Variants in CSMD1 observed in about 807,000 individuals in gnomAD.
The protein encoded by CSMD1 is CUB and sushi domain-containing protein 1.
In CSMD1, 213 loss-of-function variants were observed where a neutral mutation model predicts 417.5. The ratio of observed to expected loss-of-function variants is 0.51; its 90% CI spans 0.46 to 0.57. CSMD1 has a LOEUF of 0.57. Among genes scored for constraint, CSMD1 ranks in the 20% least tolerant of loss-of-function variants. The pLI is 0.00. For synonymous variants in CSMD1, 2,862 were observed against 1,736.8 expected (o/e 1.65, Z -16.11); for missense variants, 6,923 against 4,529.7 (o/e 1.53, Z -15.17).
chr8:3,938,251 A>T (rs1180005010), intron 5 of CSMD1, among the ~76,000 whole-genome samples: 4 of 149,564 alleles, frequency 2.7e-5, no homozygotes, highest in South Asian at 4.2e-4. Context: ...TTTACTGTTT[A>T]AAAAAAATTA....
chr8:3,188,016 A>G (rs767491729), intron 35 of CSMD1, 51 bp from the exon 36 acceptor site: 1 of 1,446,520 alleles, frequency 6.9e-7, no homozygotes, highest in Non-Finnish European at 9.6e-7. Context: ...TAACACAATT[A>G]GTCTAATTAG....
chr8:4,444,027 A>G (rs1392590357), intron 2 of CSMD1, among the ~76,000 whole-genome samples: 1 of 152,132 alleles, frequency 6.6e-6, no homozygotes, highest in Non-Finnish European at 1.5e-5. Context: ...GAAGGAAAAC[A>G]CACACTATCT....
intron 2 of CSMD1, among the ~76,000 whole-genome samples, chr8:4,574,444 T>C (rs1278939282): frequency 6.6e-6 from 1 of 152,180 alleles, no homozygotes; most frequent in African/African-American, 2.4e-5. Context: ...TTACCCTCCG[T>C]GGGCTGCACC....
chr8:4,936,174 ATTAAG>A (rs1241882763), intron 1 of CSMD1, among the ~76,000 whole-genome samples: 3 of 152,234 alleles, frequency 2.0e-5, no homozygotes, highest in African/African-American at 7.2e-5. Context: ...TGAAAATCAC[ATTAAG>A]TTGAGAGGCA....
chr8:4,278,972 A>G (rs1796635420), intron 3 of CSMD1, among the ~76,000 whole-genome samples: 1 of 152,244 alleles, frequency 6.6e-6, no homozygotes. Context: ...CCATATATGA[A>G]ATAAGATTGC....
intron 2 of CSMD1, among the ~76,000 whole-genome samples, chr8:4,429,572 C>G (rs1157133649): frequency 6.6e-6 from 1 of 152,056 alleles, no homozygotes; most frequent in Non-Finnish European, 1.5e-5. Flanking sequence ...AGGATTTGGT[C>G]CATACTGATT....
intron 28 of CSMD1, among the ~76,000 whole-genome samples, chr8:3,219,922 A>C (rs185977056): frequency 6.6e-6 from 1 of 152,206 alleles, no homozygotes; most frequent in Admixed American, 6.5e-5. Flanking sequence ...TCTTACTTTT[A>C]TTTTTACTTA....
chr8:4,335,410 C>T (rs1339362098), intron 3 of CSMD1, among the ~76,000 whole-genome samples: 9 of 152,110 alleles, frequency 5.9e-5, no homozygotes. Context: ...TGCACCATCT[C>T]TTTCTGAAAC....
At chr8:4,350,679 T>C (rs964441589) in intron 3 of CSMD1, among the ~76,000 whole-genome samples, 4 of 152,214 alleles carry the variant, frequency 2.6e-5, no homozygotes, top group African/African-American at 9.6e-5. Context: ...AAGGTGTATT[T>C]TTCATCACTG....
chr8:4,736,126 C>T (rs1008595602), intron 1 of CSMD1, among the ~76,000 whole-genome samples: 1 of 152,140 alleles, frequency 6.6e-6, no homozygotes, highest in African/African-American at 2.4e-5. Flanking sequence ...TGAGGTGTTT[C>T]TTCTACTGGA....
At position 3,487,501 on chromosome 8, in the gene CSMD1, T is replaced by G. The variant is rs143114553; in HGVS notation, c.1448+6122A>C. On this transcript the variant is annotated intron_variant, in intron 11 of 69. Coordinates refer to ENST00000635120, the MANE Select transcript of CSMD1 (RefSeq NM_033225.6). Reference sequence around the variant, plus strand: ...CAGGCATGAGCCACCATGCCCGGCCTATCAGTATAAATTTAAGGCAGATTT... The same window carrying G: ...CAGGCATGAGCCACCATGCCCGGCCGATCAGTATAAATTTAAGGCAGATTT... 1.9e-3 allele frequency among the ~76,000 whole-genome samples: 292 copies of G among 152,268 alleles called. 1 individual carries two copies. The highest frequency in any genetic ancestry group is 3.2e-3 in the Non-Finnish European group (216 of 68,010).
chr8:4,093,945 G>C (rs1163698977), intron 3 of CSMD1, among the ~76,000 whole-genome samples: 1 of 150,872 alleles, frequency 6.6e-6, no homozygotes, highest in African/African-American at 2.4e-5. Flanking sequence ...GAGCAAAAGA[G>C]TGACTGAGAC....
chr8:3,287,058 C>A (rs894775096), intron 25 of CSMD1, among the ~76,000 whole-genome samples: 11 of 152,052 alleles, frequency 7.2e-5, no homozygotes, highest in Non-Finnish European at 1.3e-4. Context: ...CCAGTTTTCC[C>A]AGCACCATTT....
At chr8:4,436,468 TG>T (rs137909569) in intron 2 of CSMD1, among the ~76,000 whole-genome samples, 2,940 of 152,264 alleles carry the variant, frequency 0.019, 95 homozygotes, top group African/African-American at 0.066. Flanking sequence ...AGAAATGCAA[TG>T]CATAATAATC....
chr8:4,279,717 A>G (rs755176814), intron 3 of CSMD1, among the ~76,000 whole-genome samples: 1 of 152,168 alleles, frequency 6.6e-6, no homozygotes, highest in African/African-American at 2.4e-5. Context: ...TTTGTCATTC[A>G]TTGCAATTTT....
intron 1 of CSMD1, among the ~76,000 whole-genome samples, chr8:4,843,434 TACAACA>T (rs34061646): frequency 6.6e-6 from 1 of 151,352 alleles, no homozygotes; most frequent in East Asian, 1.9e-4. Flanking sequence ...TTGGAGAGAT[TACAACA>T]ACAACAACAA....
chr8:4,361,550 A>C (rs779933430), intron 3 of CSMD1, among the ~76,000 whole-genome samples: 2 of 152,192 alleles, frequency 1.3e-5, no homozygotes. Context: ...ACAAAGTTAA[A>C]AAGTCGTAGA....
chr8:3,031,123 T>C lies in CSMD1; in HGVS notation c.7661-1610A>G, dbSNP rs181133417. ...ACTCTTACAATTTCTAGCAAAACTG[T>C]TTCTGAAAAGCCCTTAAAGGCTTTT... On this transcript the variant is annotated intron_variant, in intron 50 of 69. Transcript: ENST00000635120. Among the ~76,000 whole-genome samples, 33 of 152,128 alleles carry C rather than the reference T, an allele frequency of 2.2e-4. No homozygotes were observed. The East Asian group carries it at 2.7e-3, about 12-fold the overall frequency.
chr8:3,080,612 G>C (rs796723031), intron 49 of CSMD1, among the ~76,000 whole-genome samples: 1 of 152,280 alleles, frequency 6.6e-6, no homozygotes, highest in African/African-American at 2.4e-5. Context: ...GTTGTGGCCT[G>C]GGGCCTGCCA....
Sources: gnomAD v4.1 joint callset for allele counts (sites outside exome capture counted in the v4.1 genomes callset) on GRCh38, gnomAD v4.1.1 for gene constraint, MANE v1.5 for transcripts, NCBI Gene and HGNC (gene_info 2026-07-23, HGNC 2026-07-21) for gene names.